LRMDA: variants seen among roughly 807,000 people sequenced by gnomAD.
LRMDA encodes the protein leucine rich melanocyte differentiation associated, also known as leucine-rich melanocyte differentiation-associated protein.
LRMDA carries 18 observed loss-of-function variants against 29.8 expected under a neutral mutation model. The observed-to-expected ratio is 0.60, with a 90% CI of 0.42 to 0.90. The LOEUF (loss-of-function observed/expected upper bound fraction) is 0.90. LRMDA is among the 40% of genes least tolerant of loss of function. The pLI, the probability that LRMDA is intolerant of heterozygous loss-of-function variation, is 0.00. For missense variants in LRMDA, 273 were observed against 273.9 expected (o/e 1.00, Z 0.02); for synonymous variants, 125 against 109.4 (o/e 1.14, Z -0.89).
intron 2 of LRMDA, among the ~76,000 whole-genome samples, chr10:75,868,539 T>G (rs1845057059): frequency 6.6e-6 from 1 of 152,226 alleles, no homozygotes; most frequent in Non-Finnish European, 1.5e-5. Flanking sequence ...CTCTGATTGT[T>G]ACTAGTATTA....
chr10:75,633,384 T>A lies in LRMDA; in HGVS notation c.131+194890T>A, dbSNP rs546889178. ...TGAGTTTAAACATCCTCTTTGATAG[T>A]GTTTGTATGAATTTGAGTGTACTTT... is the stretch of plus-strand genomic sequence containing the variant. On this transcript the variant is annotated intron_variant, in intron 2 of 6. Transcript: ENST00000611255. Among the ~76,000 whole-genome samples, 32 of 152,352 alleles carry A rather than the reference T, an allele frequency of 2.1e-4. 1 individual carries two copies. The South Asian group carries it at 6.2e-3, about 30-fold the overall frequency.
intron 5 of LRMDA, among the ~76,000 whole-genome samples, chr10:76,275,452 A>C (rs1221871686): frequency 6.6e-6 from 1 of 151,992 alleles, no homozygotes; most frequent in African/African-American, 2.4e-5. Context: ...CTGTCACATT[A>C]ATTGTACACA....
At chr10:75,571,224 TGTG>T (rs1307928453) in intron 2 of LRMDA, among the ~76,000 whole-genome samples, 1 of 152,184 alleles carries the variant, frequency 6.6e-6, no homozygotes, top group Non-Finnish European at 1.5e-5. Flanking sequence ...TCAATTAACA[TGTG>T]TGTGGCTCAT....
intron 6 of LRMDA, among the ~76,000 whole-genome samples, chr10:76,550,474 C>T (rs1039270039): frequency 2.0e-5 from 2 of 99,580 alleles, no homozygotes; most frequent in African/African-American, 3.7e-5. Context: ...AGTATCCCCG[C>T]CCCCAACCCC....
At chr10:76,204,526 C>T (rs1851499442) in intron 5 of LRMDA, among the ~76,000 whole-genome samples, 1 of 152,230 alleles carries the variant, frequency 6.6e-6, no homozygotes, top group South Asian at 2.1e-4. Flanking sequence ...GGAAACAAGA[C>T]ACAGTTTTTA....
At chr10:75,552,769 TATTTTGGATC>T (rs1025101748) in intron 2 of LRMDA, among the ~76,000 whole-genome samples, 29 of 152,056 alleles carry the variant, frequency 1.9e-4, no homozygotes, top group African/African-American at 6.5e-4. Flanking sequence ...TCCTTGTTAT[TATTTTGGATC>T]ATTTCTACTC....
intron 2 of LRMDA, among the ~76,000 whole-genome samples, chr10:75,706,293 T>C (rs1405973436): frequency 6.6e-6 from 1 of 152,238 alleles, no homozygotes; most frequent in Non-Finnish European, 1.5e-5. Flanking sequence ...ATGTATTGCA[T>C]ATACGTTTTC....
intron 2 of LRMDA, among the ~76,000 whole-genome samples, chr10:75,859,973 G>A (rs191570029): frequency 6.6e-5 from 10 of 151,968 alleles, no homozygotes; most frequent in Admixed American, 2.0e-4. Context: ...GGATACATTC[G>A]ACCCAACACC....
Position 75,990,980 on chromosome 10 carries a change from A to G in LRMDA, c.132-45028A>G, listed in dbSNP as rs535522053. Among the ~76,000 whole-genome samples, 9 of 152,182 alleles carry G rather than the reference A, an allele frequency of 5.9e-5. No homozygotes were observed. The South Asian group carries it at 1.9e-3, about 32-fold the overall frequency. ...AGTACAGCTCTTTGATAGCAGTTGAACTTCCCTGGACCTCAGCCTCCTCCT... is the reference window on the plus strand; with the variant it reads ...AGTACAGCTCTTTGATAGCAGTTGAGCTTCCCTGGACCTCAGCCTCCTCCT... On this transcript the variant is annotated intron_variant, in intron 2 of 6. Coordinates refer to ENST00000611255, the MANE Select transcript of LRMDA (RefSeq NM_001305581.2).
At chr10:75,554,590 C>T (rs1052083260) in intron 2 of LRMDA, among the ~76,000 whole-genome samples, 1 of 152,116 alleles carries the variant, frequency 6.6e-6, no homozygotes, top group Non-Finnish European at 1.5e-5. Context: ...TGAATTACAG[C>T]TAATGATGGT....
At chr10:76,127,538 T>C (rs1849904738) in intron 5 of LRMDA, among the ~76,000 whole-genome samples, 1 of 150,492 alleles carries the variant, frequency 6.6e-6, no homozygotes, top group South Asian at 2.1e-4. Context: ...TTTAATTAAA[T>C]GTTATAAAAC....
chr10:76,142,685 TA>T (rs10578352), intron 5 of LRMDA, among the ~76,000 whole-genome samples: 1,123 of 18,274 alleles, frequency 0.061, 44 homozygotes, highest in African/African-American at 0.3. Flanking sequence ...TTATTATCTT[TA>T]TTATTATTAT....
chr10:75,529,051 T>C (rs937157113), intron 2 of LRMDA, among the ~76,000 whole-genome samples: 2 of 152,092 alleles, frequency 1.3e-5, no homozygotes, highest in Non-Finnish European at 2.9e-5. Context: ...TCCAACATAA[T>C]TGAAGTTCTA....
At position 76,438,413 on chromosome 10, in the gene LRMDA, C is replaced by T. The variant is rs890418960; in HGVS notation, c.601+113928C>T. The stretch of plus-strand genomic sequence containing the variant: ...TTATTTTTCATTTCTCTCTTTCTTT[C>T]AGAGCCTTGGAATCCCATTAGGAAA... On this transcript the variant is annotated intron_variant, in intron 6 of 6. Transcript: ENST00000611255. 3 of 152,160 alleles carry T rather than the reference C, an allele frequency of 2.0e-5. No homozygotes were observed. In the East Asian group the frequency reaches 5.8e-4, roughly 29 times the overall value. The allele number at this position is 152,160 out of a possible 1,614,324, so 9.4% of individuals were successfully genotyped here. A position where few individuals can be genotyped will look rare whatever the true frequency, so the allele number is the denominator to read the frequency against.
intron 2 of LRMDA, among the ~76,000 whole-genome samples, chr10:75,627,962 C>A (rs1273604623): frequency 6.6e-6 from 1 of 152,212 alleles, no homozygotes; most frequent in African/African-American, 2.4e-5. Flanking sequence ...GGGCAGGGAT[C>A]CTGTCTGTCT....
intron 2 of LRMDA, among the ~76,000 whole-genome samples, chr10:75,652,165 G>A (rs12098789): frequency 6.6e-6 from 1 of 151,894 alleles, no homozygotes; most frequent in African/African-American, 2.4e-5. Flanking sequence ...GCAGCCATGG[G>A]CACTCAGCCT....
chr10:75,900,741 T>A (rs1337857018), intron 2 of LRMDA, among the ~76,000 whole-genome samples: 1 of 152,172 alleles, frequency 6.6e-6, no homozygotes, highest in East Asian at 1.9e-4. Context: ...TGATTGGAAT[T>A]TGGGTTTCTT....
At chr10:75,568,328 G>T (rs943467096) in intron 2 of LRMDA, among the ~76,000 whole-genome samples, 6 of 152,176 alleles carry the variant, frequency 3.9e-5, no homozygotes, top group African/African-American at 1.4e-4. Context: ...TCCTGGTTCA[G>T]AACATAACTT....
intron 2 of LRMDA, among the ~76,000 whole-genome samples, chr10:75,440,559 G>A (rs1365853623): frequency 6.6e-6 from 1 of 152,048 alleles, no homozygotes; most frequent in Non-Finnish European, 1.5e-5. Flanking sequence ...GGTGTGCTTG[G>A]GACTGGATCA....
Sources: gnomAD v4.1 joint callset for allele counts (sites outside exome capture counted in the v4.1 genomes callset) on GRCh38, gnomAD v4.1.1 for gene constraint, MANE v1.5 for transcripts, NCBI Gene and HGNC (gene_info 2026-07-23, HGNC 2026-07-21) for gene names.